ERBB4: variants seen among roughly 807,000 people sequenced by gnomAD.
The protein encoded by ERBB4 is erb-b2 receptor tyrosine kinase 4.
Under a neutral mutation model 158.0 loss-of-function variants are expected in ERBB4, and 42 were observed. The observed-to-expected ratio is 0.27, with a 90% confidence interval of 0.21 to 0.34. The LOEUF (loss-of-function observed/expected upper bound fraction) is 0.34, where lower values mean the gene tolerates loss of function less well. ERBB4 is among the 10% of genes least tolerant of loss of function. The probability of loss-of-function intolerance (pLI) is 1.00; values close to 1 mark genes in which losing one functional copy is unlikely to be tolerated. For synonymous variants in ERBB4, 583 were observed against 558.7 expected (o/e 1.04, Z -0.61); for missense variants, 1,333 against 1,624.1 (o/e 0.82, Z 3.08).
In ERBB4 at chr2:211,768,141, G is replaced by T. The variant is rs533775143; in HGVS notation, c.557-17437C>A. The stretch of plus-strand genomic sequence containing the variant: ...CCATTCAAGTCCAAAATCCAGCGGG[G>T]CAGTCAACCATTAAAACTCTGTAAT... On this transcript the variant is annotated intron_variant, in intron 4 of 27. Coordinates refer to ENST00000342788, the MANE Select transcript of ERBB4 (RefSeq NM_005235.3). 1.3e-4 allele frequency among the ~76,000 whole-genome samples: 20 copies of T among 152,298 alleles called. No individual in the cohort carries two copies. In the East Asian group the frequency reaches 3.7e-3, roughly 28 times the overall value.
At chr2:211,704,741 A>G (rs1031425493) in intron 10 of ERBB4, among the ~76,000 whole-genome samples, 3 of 152,322 alleles carry the variant, frequency 2.0e-5, no homozygotes, top group Admixed American at 2.0e-4. Context: ...AGTAAACAGA[A>G]AAACATAGTT....
At chr2:211,471,036 T>A (rs1052698038) in intron 20 of ERBB4, among the ~76,000 whole-genome samples, 1 of 152,162 alleles carries the variant, frequency 6.6e-6, no homozygotes, top group African/African-American at 2.4e-5. Context: ...TTCCAGGCTT[T>A]GGGAGCCAGG....
intron 19 of ERBB4, among the ~76,000 whole-genome samples, chr2:211,607,514 T>A (rs1465894397): frequency 6.6e-6 from 1 of 152,228 alleles, no homozygotes; most frequent in Admixed American, 6.5e-5. Flanking sequence ...CAAGGATCAC[T>A]GTAGAAAACT....
At chr2:212,477,107 A>G (rs1183074758) in intron 1 of ERBB4, among the ~76,000 whole-genome samples, 1 of 152,156 alleles carries the variant, frequency 6.6e-6, no homozygotes, top group East Asian at 1.9e-4. Flanking sequence ...ATGTTTGCCA[A>G]CTTGTGAGTA....
rs141452944 is a variant in ERBB4, at chr2:211,750,700, T to C, written c.561A>G (p.Gly187=). 1.3e-4 allele frequency: 214 copies of C among 1,613,684 alleles called. No individual in the cohort carries two copies. The highest frequency in any genetic ancestry group is 1.7e-4 in the Non-Finnish European group (202 of 1,179,750). ...LVSTNGSSGC[G]RCHKSCTGRC... is the part of the protein sequence containing the mutation. ...GGCCAGTACAGGACTTATGGCAACG[T>C]CCACCTGCAGAACACGAAAAGGGAA... is the stretch of plus-strand genomic sequence containing the variant. The change falls in exon 5 of 28, where the codon GGA becomes GGG. Residue 187 remains glycine, a synonymous_variant. Transcript: ENST00000342788.
intron 1 of ERBB4, among the ~76,000 whole-genome samples, chr2:212,169,916 A>C (rs1575740238): frequency 6.6e-6 from 1 of 152,118 alleles, no homozygotes; most frequent in African/African-American, 2.4e-5. Flanking sequence ...GCTGTGAGTC[A>C]ATTAAACCTC....
rs13420644 is a variant in ERBB4, at chr2:211,943,795, T to C, written c.421+3635A>G. Among the ~76,000 whole-genome samples the C allele has an allele frequency of 9.8e-3, 1,488 of 152,164 alleles. 30 individuals carry two copies. Among genetic ancestry groups the C allele is most frequent in the African/African-American group, 0.034 (1,421 of 41,502 alleles). ...CTCAGTCACAACCAACATGAAAGTATGTAAATAAGATCTGCAGTAATTTTT... is the reference window on the plus strand; with the variant it reads ...CTCAGTCACAACCAACATGAAAGTACGTAAATAAGATCTGCAGTAATTTTT... On this transcript the variant is annotated intron_variant, in intron 3 of 27. Transcript: ENST00000342788.
At chr2:211,573,314 C>G (rs1276218556) in intron 19 of ERBB4, among the ~76,000 whole-genome samples, 1 of 152,128 alleles carries the variant, frequency 6.6e-6, no homozygotes, top group African/African-American at 2.4e-5. Flanking sequence ...TTTCAAATGT[C>G]TAGCCCCCAG....
At chr2:212,353,368 T>G (rs1238774745) in intron 1 of ERBB4, among the ~76,000 whole-genome samples, 1 of 149,812 alleles carries the variant, frequency 6.7e-6, no homozygotes, top group African/African-American at 2.4e-5. Flanking sequence ...AATGTACGTA[T>G]TATACATATA....
intron 2 of ERBB4, among the ~76,000 whole-genome samples, chr2:212,086,878 T>A (rs763154355): frequency 9.9e-5 from 15 of 151,952 alleles, no homozygotes; most frequent in African/African-American, 1.4e-4. Flanking sequence ...TTTCCAAAGA[T>A]AAACTGAACT....
intron 1 of ERBB4, among the ~76,000 whole-genome samples, chr2:212,434,189 AG>A (rs2092089072): frequency 6.6e-6 from 1 of 151,932 alleles, no homozygotes; most frequent in South Asian, 2.1e-4. Flanking sequence ...TGTCCTCTGG[AG>A]TTTTAGAGAC....
At chr2:212,313,176 T>C (rs1019568753) in intron 1 of ERBB4, among the ~76,000 whole-genome samples, 13 of 150,832 alleles carry the variant, frequency 8.6e-5, no homozygotes, top group Admixed American at 8.0e-4. Flanking sequence ...TACAAACCAG[T>C]CTATAACATA....
chr2:211,526,549 C>A (rs916171071), intron 20 of ERBB4, among the ~76,000 whole-genome samples: 6 of 152,006 alleles, frequency 3.9e-5, no homozygotes, highest in African/African-American at 1.4e-4. Flanking sequence ...AAAATCAATA[C>A]TTAACTCTTC....
chr2:211,838,498 T>G (rs375594119), intron 3 of ERBB4, among the ~76,000 whole-genome samples: 1 of 152,262 alleles, frequency 6.6e-6, no homozygotes, highest in East Asian at 1.9e-4. Flanking sequence ...AAAGCAGCTG[T>G]TATAAAACTC....
chr2:211,617,545 G>A (rs1342432619), intron 19 of ERBB4, among the ~76,000 whole-genome samples: 1 of 152,032 alleles, frequency 6.6e-6, no homozygotes, highest in Admixed American at 6.6e-5. Context: ...ATGCAACAAG[G>A]TGATATTTAA....
At chr2:211,631,339 C>A (rs2070121925) in intron 16 of ERBB4, among the ~76,000 whole-genome samples, 2 of 151,996 alleles carry the variant, frequency 1.3e-5, no homozygotes, top group African/African-American at 2.4e-5. Flanking sequence ...CTGATTAGGG[C>A]AACTCTGGTA....
intron 3 of ERBB4, among the ~76,000 whole-genome samples, chr2:211,917,212 C>T (rs1453927025): frequency 6.6e-6 from 1 of 152,166 alleles, no homozygotes; most frequent in Non-Finnish European, 1.5e-5. Flanking sequence ...TATTTTCATC[C>T]TCCTTTGGAA....
In ERBB4 at chr2:211,731,752, T is replaced by TA. The variant is rs747042901; in HGVS notation, c.623-6559dup. On this transcript the variant is annotated intron_variant, in intron 5 of 27. Transcript: ENST00000342788. ...AAAGCTATCATCAACAGGATACACT[T>TA]AAAGTGAAACAAATAAAGCTCACAG... Among the ~76,000 whole-genome samples the TA allele has an allele frequency of 5.3e-5, 8 of 152,226 alleles. No homozygotes were observed. In the South Asian group the frequency reaches 1.2e-3, roughly 24 times the overall value.
chr2:211,565,785 G>T (rs1381680541), intron 19 of ERBB4, among the ~76,000 whole-genome samples: 1 of 152,144 alleles, frequency 6.6e-6, no homozygotes, highest in Non-Finnish European at 1.5e-5. Flanking sequence ...GGCAGCATGG[G>T]AACACGCCTG....
Sources: allele counts gnomAD v4.1 joint callset (sites outside exome capture counted in the v4.1 genomes callset), GRCh38; gene constraint gnomAD v4.1.1; transcripts MANE v1.5; gene names NCBI Gene and HGNC (gene_info 2026-07-23, HGNC 2026-07-21).